The following HECW1 variants were observed in gnomAD, a reference collection of about 807,000 sequenced individuals.
HECW1 encodes HECT, C2 and WW domain containing E3 ubiquitin protein ligase 1, also known as E3 ubiquitin-protein ligase HECW1.
HECW1 carries 61 observed loss-of-function variants against 182.3 expected under a neutral mutation model. That is an observed-to-expected ratio of 0.33 (90% confidence interval 0.27 to 0.41). HECW1 has a LOEUF of 0.41. HECW1 is among the 10% of genes least tolerant of loss of function. HECW1 has a pLI of 1.00. For missense variants in HECW1, 1,739 were observed against 2,108.9 expected (o/e 0.82, Z 3.44); for synonymous variants, 859 against 832.6 (o/e 1.03, Z -0.55).
chr7:43,409,095 T>A (rs1431490258), intron 8 of HECW1, among the ~76,000 whole-genome samples: 1 of 152,212 alleles, frequency 6.6e-6, no homozygotes, highest in Non-Finnish European at 1.5e-5. Context: ...AGAGCAAAGA[T>A]TTTTTATTAT....
At position 43,138,114 on chromosome 7, in the gene HECW1, G is replaced by A. The variant is rs141675702; in HGVS notation, c.-32+23723G>A. ...TATAAAAGTCAGAATAATAACCCTC[G>A]AATTTTTTTCTCTAGCTGTAAAAGT... On this transcript the variant is annotated intron_variant, in intron 2 of 29. Transcript: ENST00000395891. Among the ~76,000 whole-genome samples the A allele has an allele frequency of 3.3e-5, 5 of 152,126 alleles. No individual in the cohort carries two copies. The East Asian group carries it at 9.7e-4, about 29-fold the overall frequency.
chr7:43,318,213 A>T (rs945258768), intron 4 of HECW1, among the ~76,000 whole-genome samples: 1 of 152,230 alleles, frequency 6.6e-6, no homozygotes, highest in Admixed American at 6.5e-5. Context: ...ATTCGGGGAA[A>T]TACTATCCCT....
chr7:43,486,889 GAC>G (rs1333657783), intron 17 of HECW1, among the ~76,000 whole-genome samples: 1 of 152,160 alleles, frequency 6.6e-6, no homozygotes, highest in East Asian at 1.9e-4. Flanking sequence ...GTGCCTCGTA[GAC>G]AGTTTCCACA....
intron 13 of HECW1, among the ~76,000 whole-genome samples, chr7:43,460,625 G>T (rs2077551602): frequency 6.6e-6 from 1 of 151,946 alleles, no homozygotes; most frequent in Non-Finnish European, 1.5e-5. Flanking sequence ...ATTTTCATTA[G>T]CCCTCTATCT....
chr7:43,298,953 T>C lies in HECW1; in HGVS notation c.28-12810T>C, dbSNP rs544504332. On this transcript the variant is annotated intron_variant, in intron 3 of 29. Transcript: ENST00000395891. Reference sequence around the variant, plus strand: ...AAAATTAGAGATGTTATCTGAATAATTAATTCAAGCCTCAAATGAAAAGGA... The same window carrying C: ...AAAATTAGAGATGTTATCTGAATAACTAATTCAAGCCTCAAATGAAAAGGA... Among the ~76,000 whole-genome samples the C allele has an allele frequency of 3.9e-5, 6 of 152,352 alleles. No individual in the cohort carries two copies. The East Asian group carries it at 9.6e-4, about 24-fold the overall frequency.
intron 11 of HECW1, 85 bp downstream of exon 11, chr7:43,445,655 G>A (rs2077032386): frequency 1.4e-6 from 2 of 1,439,052 alleles, no homozygotes; most frequent in Non-Finnish European, 1.8e-6. Flanking sequence ...AAGAAGGGCG[G>A]GGGATCGGTG....
intron 2 of HECW1, chr7:43,163,146 T>C (rs1437125369): frequency 2.0e-5 from 3 of 152,364 alleles, no homozygotes; most frequent in Admixed American, 6.5e-5. Flanking sequence ...TTTTGCTGTA[T>C]CCCATCTGTG....
chr7:43,334,675 CT>C (rs1811908855), intron 5 of HECW1, among the ~76,000 whole-genome samples: 2 of 152,094 alleles, frequency 1.3e-5, no homozygotes, highest in African/African-American at 2.4e-5. Flanking sequence ...GAAAGTCATC[CT>C]TGTTTTATTG....
intron 3 of HECW1, 183 bp from the exon 4 acceptor site, chr7:43,311,580 G>A (rs781101317): frequency 3.9e-6 from 3 of 764,554 alleles, no homozygotes; most frequent in South Asian, 2.7e-5. Flanking sequence ...TGCTGTCCCC[G>A]TGTGAACCCA....
intron 2 of HECW1, among the ~76,000 whole-genome samples, chr7:43,236,999 A>C (rs1415043641): frequency 2.6e-5 from 4 of 152,102 alleles, no homozygotes; most frequent in African/African-American, 7.2e-5. Context: ...CCAAAAAAAA[A>C]CTAACTATAC....
At chr7:43,492,224 A>C in intron 18 of HECW1, 44 bp downstream of exon 18, 1 of 1,327,958 alleles carries the variant, frequency 7.5e-7, no homozygotes, top group Non-Finnish European at 1.1e-6. Flanking sequence ...AAGAATAGCA[A>C]CACCTAGACT....
chr7:43,237,148 G>C (rs1195531887), intron 2 of HECW1, among the ~76,000 whole-genome samples: 1 of 81,620 alleles, frequency 1.2e-5, no homozygotes, highest in Non-Finnish European at 2.4e-5. Flanking sequence ...GAAGTAGGTA[G>C]GTAGGTAGGT....
intron 29 of HECW1, among the ~76,000 whole-genome samples, chr7:43,559,707 C>G (rs34461582): frequency 0.091 from 13,802 of 152,116 alleles, 796 homozygotes; most frequent in East Asian, 0.27. Context: ...CCCACACCAC[C>G]GGGCAATGCT....
At chr7:43,404,068 A>T (rs922424148) in intron 7 of HECW1, among the ~76,000 whole-genome samples, 9 of 152,210 alleles carry the variant, frequency 5.9e-5, no homozygotes, top group African/African-American at 1.9e-4. Context: ...AAACATTAAG[A>T]CCTGAAAGAG....
At chr7:43,396,461 C>T (rs926690395) in intron 6 of HECW1, among the ~76,000 whole-genome samples, 3 of 152,196 alleles carry the variant, frequency 2.0e-5, no homozygotes, top group Non-Finnish European at 2.9e-5. Flanking sequence ...CATCTATTGA[C>T]CTATCATTCT....
intron 3 of HECW1, among the ~76,000 whole-genome samples, chr7:43,277,959 G>C (rs1295045924): frequency 6.6e-6 from 1 of 151,842 alleles, no homozygotes; most frequent in Admixed American, 6.6e-5. Context: ...CTCTTTCCCT[G>C]ACTCCCCCAG....
chr7:43,308,750 T>C (rs1195077858), intron 3 of HECW1, among the ~76,000 whole-genome samples: 1 of 152,046 alleles, frequency 6.6e-6, no homozygotes, highest in Non-Finnish European at 1.5e-5. Flanking sequence ...ACCTCCCAAG[T>C]AGCTGGGATT....
rs1475002202 is a variant in HECW1, at chr7:43,415,647, C to G, written c.801+7916C>G. On this transcript the variant is annotated intron_variant, in intron 8 of 29. Coordinates refer to ENST00000395891, the MANE Select transcript of HECW1 (RefSeq NM_015052.5). ...GTTTTCCAACTTGGTTCCATTCTCC[C>G]CATCACTTTCAGGTACACCAATCAG... Among the ~76,000 whole-genome samples the G allele has an allele frequency of 2.0e-5, 3 of 148,046 alleles. No individual in the cohort carries two copies. In the East Asian group the frequency reaches 5.9e-4, roughly 29 times the overall value.
Position 43,444,250 on chromosome 7 carries a change from G to C in HECW1, c.1078G>C (p.Glu360Gln). The part of the protein sequence containing the change: ...DEEISLSTEP[E>Q]SAQIQDSPMN... ...GGAGATTTCCCTGAGTACCGAGCCT[G>C]AGTCAGCCCAAATTCAGGACAGCCC... The change falls in exon 11 of 30, where the codon GAG becomes CAG. Residue 360 changes from glutamate (E) to glutamine (Q), a missense_variant. Glu to Gln is a conservative substitution (Grantham distance 29, BLOSUM62 2). Transcript: ENST00000395891. This position sits in a 1 kb window ranked among gnomAD's most constrained non-coding sequence, Gnocchi z 4.3. The C allele has an allele frequency of 6.2e-7, 1 of 1,611,050 alleles. No individual in the cohort carries two copies. Among genetic ancestry groups the C allele is most frequent in the South Asian group, 1.1e-5 (1 of 91,004 alleles).
Sources: gnomAD v4.1 joint callset for allele counts (sites outside exome capture counted in the v4.1 genomes callset) on GRCh38, gnomAD v4.1.1 for gene constraint, Gnocchi (gnomAD v3.1) non-coding constraint, MANE v1.5 for transcripts, NCBI Gene and HGNC (gene_info 2026-07-23, HGNC 2026-07-21) for gene names.